The following CRPPA variants were observed in gnomAD, a reference collection of about 807,000 sequenced individuals.
The protein encoded by CRPPA is CDP-L-ribitol pyrophosphorylase A.
CRPPA carries 43 observed loss-of-function variants against 52.0 expected under a neutral mutation model. The observed-to-expected ratio is 0.83, with a 90% CI of 0.65 to 1.07. The LOEUF (loss-of-function observed/expected upper bound fraction) is 1.07. Ranked by LOEUF, CRPPA falls within the 50% of genes least tolerant of loss-of-function variation. CRPPA has a pLI of 0.00. For synonymous variants in CRPPA, 250 were observed against 203.5 expected (o/e 1.23, Z -1.94); for missense variants, 629 against 551.7 (o/e 1.14, Z -1.40).
At chr7:16,186,385 G>T (rs143652900) in intron 9 of CRPPA, among the ~76,000 whole-genome samples, 207 of 152,286 alleles carry the variant, frequency 1.4e-3, no homozygotes, top group African/African-American at 4.5e-3. Flanking sequence ...CCACGTGCGT[G>T]TACAAGAAGT....
chr7:16,213,746 G>A (rs1782220133), intron 9 of CRPPA, among the ~76,000 whole-genome samples: 2 of 133,092 alleles, frequency 1.5e-5, no homozygotes, highest in Non-Finnish European at 1.6e-5. Flanking sequence ...AAAAACTTCG[G>A]CTCAAAAAAA....
At chr7:16,277,718 T>C (rs2128417592) in intron 6 of CRPPA, among the ~76,000 whole-genome samples, 1 of 152,316 alleles carries the variant, frequency 6.6e-6, no homozygotes, top group Admixed American at 6.5e-5. Flanking sequence ...GCTTTTCCAA[T>C]ATCATGATTA....
At chr7:16,389,408 A>G (rs979820038) in intron 2 of CRPPA, among the ~76,000 whole-genome samples, 12 of 152,228 alleles carry the variant, frequency 7.9e-5, no homozygotes, top group Admixed American at 3.3e-4. Context: ...GTTATACACC[A>G]TGACCAAGTG....
At chr7:16,383,601 G>A (rs1044060717) in intron 2 of CRPPA, among the ~76,000 whole-genome samples, 5 of 152,238 alleles carry the variant, frequency 3.3e-5, no homozygotes, top group African/African-American at 1.2e-4. Context: ...CCCAGAGGTG[G>A]AGCCTACAGA....
intron 9 of CRPPA, among the ~76,000 whole-genome samples, chr7:16,211,708 G>A (rs1473684753): frequency 6.6e-6 from 1 of 152,116 alleles, no homozygotes; most frequent in Non-Finnish European, 1.5e-5. Flanking sequence ...ATGAAAAAAT[G>A]GATGTCAGTG....
At chr7:16,176,555 T>C (rs1022159074) in intron 9 of CRPPA, among the ~76,000 whole-genome samples, 1 of 152,176 alleles carries the variant, frequency 6.6e-6, no homozygotes, top group African/African-American at 2.4e-5. Flanking sequence ...CTCTCAATTA[T>C]ACATTTCTAG....
At chr7:16,136,220 C>T (rs968237382) in intron 9 of CRPPA, among the ~76,000 whole-genome samples, 1 of 152,136 alleles carries the variant, frequency 6.6e-6, no homozygotes, top group African/African-American at 2.4e-5. Flanking sequence ...TCTTTTACTA[C>T]AAATTGGAAA....
Position 16,102,696 on chromosome 7 carries a change from CAT to C in CRPPA, c.1252-10899_1252-10898del, listed in dbSNP as rs372713680. Reference sequence around the variant, plus strand: ...AGAAGACATTTACGTGACCAACAAACATGTGAAAAAAAGCTCATCACTGGTCA... The same window carrying C: ...AGAAGACATTTACGTGACCAACAAACGTGAAAAAAAGCTCATCACTGGTCA... On this transcript the variant is annotated intron_variant, in intron 9 of 9. Coordinates refer to ENST00000407010, the MANE Select transcript of CRPPA (RefSeq NM_001101426.4). 6.0e-3 allele frequency among the ~76,000 whole-genome samples: 911 copies of C among 152,192 alleles called. 5 individuals carry two copies. Among genetic ancestry groups the C allele is most frequent in the African/African-American group, 0.021 (859 of 41,520 alleles).
chr7:16,227,146 A>C (rs1782673578), intron 8 of CRPPA, among the ~76,000 whole-genome samples: 2 of 151,920 alleles, frequency 1.3e-5, no homozygotes, highest in South Asian at 4.1e-4. Flanking sequence ...ATTTGTGGAC[A>C]CTTAGGTTGA....
intron 9 of CRPPA, among the ~76,000 whole-genome samples, chr7:16,121,851 G>C (rs1475688248): frequency 6.6e-6 from 1 of 152,066 alleles, no homozygotes; most frequent in Non-Finnish European, 1.5e-5. Flanking sequence ...TGACTGTCAT[G>C]GTTGGTCAGG....
intron 9 of CRPPA, among the ~76,000 whole-genome samples, chr7:16,189,228 A>G (rs1781560721): frequency 6.6e-6 from 1 of 152,184 alleles, no homozygotes; most frequent in East Asian, 1.9e-4. Context: ...GGCAACTGGT[A>G]TATTAACAAA....
At chr7:16,331,776 T>C (rs1197146279) in intron 3 of CRPPA, among the ~76,000 whole-genome samples, 1 of 152,122 alleles carries the variant, frequency 6.6e-6, no homozygotes. Context: ...CTTGAGGTTA[T>C]CTTAATAGAA....
chr7:16,300,731 C>T (rs1195172045), intron 5 of CRPPA, among the ~76,000 whole-genome samples: 1 of 152,114 alleles, frequency 6.6e-6, no homozygotes, highest in Non-Finnish European at 1.5e-5. Flanking sequence ...AATATAGTGC[C>T]AAGACTGAGA....
At chr7:16,169,971 A>G (rs1013087576) in intron 9 of CRPPA, among the ~76,000 whole-genome samples, 3 of 152,166 alleles carry the variant, frequency 2.0e-5, no homozygotes, top group Non-Finnish European at 4.4e-5. Context: ...GAAGCTCTAT[A>G]TTTTTCTGTG....
At chr7:16,171,406 A>T (rs1388861852) in intron 9 of CRPPA, among the ~76,000 whole-genome samples, 1 of 152,126 alleles carries the variant, frequency 6.6e-6, no homozygotes, top group African/African-American at 2.4e-5. Flanking sequence ...TAAACTCAAA[A>T]TTTTTCCAAC....
chr7:16,318,728 C>T (rs1181487363), intron 3 of CRPPA, among the ~76,000 whole-genome samples: 1 of 152,108 alleles, frequency 6.6e-6, no homozygotes, highest in Non-Finnish European at 1.5e-5. Context: ...TCCAACAGCA[C>T]AAGCACACAT....
intron 9 of CRPPA, among the ~76,000 whole-genome samples, chr7:16,180,378 T>G (rs1232119018): frequency 6.6e-6 from 1 of 152,112 alleles, no homozygotes; most frequent in African/African-American, 2.4e-5. Context: ...CAAAACTTAC[T>G]TGACGGAGTC....
At chr7:16,179,005 T>C (rs937199226) in intron 9 of CRPPA, among the ~76,000 whole-genome samples, 4 of 151,836 alleles carry the variant, frequency 2.6e-5, no homozygotes, top group African/African-American at 9.7e-5. Context: ...CTTTGGAGTG[T>C]TTCAGGCACA....
intron 8 of CRPPA, among the ~76,000 whole-genome samples, chr7:16,230,025 C>G (rs978727142): frequency 6.6e-6 from 1 of 151,900 alleles, no homozygotes; most frequent in Non-Finnish European, 1.5e-5. Flanking sequence ...ATTTGAATTC[C>G]TTTATGTTAT....
Sources: allele counts gnomAD v4.1 joint callset (sites outside exome capture counted in the v4.1 genomes callset), GRCh38; gene constraint gnomAD v4.1.1; transcripts MANE v1.5; gene names NCBI Gene and HGNC (gene_info 2026-07-23, HGNC 2026-07-21).